Variants in RABGAP1L observed in about 807,000 individuals in gnomAD.
RABGAP1L encodes the protein RAB GTPase activating protein 1 like.
In RABGAP1L, 63 loss-of-function variants were observed where a neutral mutation model predicts 137.7. That is an observed-to-expected ratio of 0.46 (90% CI 0.37 to 0.56). The LOEUF (loss-of-function observed/expected upper bound fraction) is 0.56, where lower values mean the gene tolerates loss of function less well. RABGAP1L is among the 20% of genes least tolerant of loss of function. RABGAP1L has a pLI of 0.00. For missense variants in RABGAP1L, 1,095 were observed against 1,244.0 expected, an observed-to-expected ratio of 0.88 and a Z score of 1.80; for synonymous variants, 431 against 433.7, an observed-to-expected ratio of 0.99 and a Z score of 0.08.
intron 19 of RABGAP1L, among the ~76,000 whole-genome samples, chr1:174,932,631 A>C (rs777282650): frequency 1.3e-5 from 2 of 152,190 alleles, no homozygotes; most frequent in Non-Finnish European, 2.9e-5. Context: ...CTGACAAATA[A>C]GAATTTTGTG....
At chr1:174,508,441 T>C (rs1662032413) in intron 13 of RABGAP1L, among the ~76,000 whole-genome samples, 1 of 152,198 alleles carries the variant, frequency 6.6e-6, no homozygotes, top group Non-Finnish European at 1.5e-5. Context: ...TTCTTATTTA[T>C]CAACCCTGTA....
At chr1:174,616,158 T>C (rs1671835347) in intron 13 of RABGAP1L, among the ~76,000 whole-genome samples, 1 of 152,234 alleles carries the variant, frequency 6.6e-6, no homozygotes, top group South Asian at 2.1e-4. Context: ...AGAAATCACC[T>C]GTCTTCTGCG....
intron 19 of RABGAP1L, among the ~76,000 whole-genome samples, chr1:174,912,324 G>T (rs1397036133): frequency 6.6e-6 from 1 of 151,934 alleles, no homozygotes; most frequent in Non-Finnish European, 1.5e-5. Flanking sequence ...TCATTTTTTT[G>T]TAGAAATGGG....
chr1:174,255,370 T>G (rs1673034186), intron 7 of RABGAP1L, among the ~76,000 whole-genome samples: 1 of 152,212 alleles, frequency 6.6e-6, no homozygotes, highest in Non-Finnish European at 1.5e-5. Context: ...AACTTTTTAT[T>G]TGGAAGTAAT....
intron 12 of RABGAP1L, among the ~76,000 whole-genome samples, chr1:174,374,150 A>G (rs1270201828): frequency 6.6e-6 from 1 of 152,210 alleles, no homozygotes; most frequent in Non-Finnish European, 1.5e-5. Context: ...GTATGCATTG[A>G]TACCACAGCT....
chr1:174,440,315 G>GA lies in RABGAP1L; in HGVS notation c.1710+46177dup, dbSNP rs1354944720. On this transcript the variant is annotated intron_variant, in intron 13 of 25. Transcript: ENST00000681986. ...GCAACGCGATCTGGTTTGCATTGTG[G>GA]AAAAAAATATTTTGTCTCTTTTGTG... Among the ~76,000 whole-genome samples the GA allele has an allele frequency of 4.6e-5, 7 of 152,204 alleles. No individual in the cohort carries two copies. The East Asian group carries it at 5.8e-4, about 13-fold the overall frequency.
intron 13 of RABGAP1L, among the ~76,000 whole-genome samples, chr1:174,518,155 G>C (rs1572140783): frequency 1.3e-5 from 2 of 152,192 alleles, no homozygotes; most frequent in African/African-American, 4.8e-5. Flanking sequence ...CTGGTCATCT[G>C]AGATTCTGAT....
At chr1:174,940,106 C>T (rs1362994097) in intron 19 of RABGAP1L, among the ~76,000 whole-genome samples, 1 of 152,170 alleles carries the variant, frequency 6.6e-6, no homozygotes, top group South Asian at 2.1e-4. Context: ...GTGATTATTA[C>T]ATGAGTGACA....
At chr1:174,183,338 T>C (rs6658543) in intron 1 of RABGAP1L, among the ~76,000 whole-genome samples, 87,174 of 152,086 alleles carry the variant, frequency 0.57, 27,397 homozygotes, top group African/African-American at 0.85. Context: ...GTTGCCTAGG[T>C]TGGTCTCGAA....
At chr1:174,665,892 TGTTA>T (rs1676755175) in intron 14 of RABGAP1L, among the ~76,000 whole-genome samples, 1 of 152,250 alleles carries the variant, frequency 6.6e-6, no homozygotes, top group Admixed American at 6.5e-5. Flanking sequence ...AATAAATAAA[TGTTA>T]GTTATTTAAC....
intron 13 of RABGAP1L, among the ~76,000 whole-genome samples, chr1:174,451,401 C>T (rs1044612029): frequency 1.1e-4 from 17 of 152,204 alleles, no homozygotes; most frequent in Admixed American, 1.0e-3. Context: ...GGCTTTTCCC[C>T]ATAGTAATTA....
At chr1:174,856,783 C>G (rs144399700) in intron 19 of RABGAP1L, among the ~76,000 whole-genome samples, 1 of 151,864 alleles carries the variant, frequency 6.6e-6, no homozygotes, top group East Asian at 1.9e-4. Context: ...TAAAATTAGC[C>G]GGGCGTGCTG....
chr1:174,866,113 G>GAGAGAGAC lies in RABGAP1L; in HGVS notation c.2340+54160_2340+54161insCAGAGAGA, dbSNP rs1651176040. On this transcript the variant is annotated intron_variant, in intron 19 of 25. Transcript: ENST00000681986. ...AGGAGGGGAGAGGGAGGGAGGGGGAGAGAGAGAGAGAGAGAGAGAGAGAGA... is the reference window on the plus strand; with the variant it reads ...AGGAGGGGAGAGGGAGGGAGGGGGAGAGAGAGACAGAGAGAGAGAGAGAGAGAGAGAGA... 6.3e-4 allele frequency among the ~76,000 whole-genome samples: 4 copies of GAGAGAGAC among 6,346 alleles called. No individual in the cohort carries two copies. The South Asian group carries it at 0.016, about 26-fold the overall frequency. The allele number at this position is 6,346 out of a possible 152,430, so 4.2% of individuals were successfully genotyped here.
chr1:174,530,470 C>T (rs1664292810), intron 13 of RABGAP1L, among the ~76,000 whole-genome samples: 1 of 152,142 alleles, frequency 6.6e-6, no homozygotes, highest in Admixed American at 6.5e-5. Flanking sequence ...CATGGTGTTA[C>T]CCTCTGTTAG....
chr1:174,613,805 T>C (rs1671509105), intron 13 of RABGAP1L, among the ~76,000 whole-genome samples: 1 of 152,222 alleles, frequency 6.6e-6, no homozygotes, highest in Non-Finnish European at 1.5e-5. Flanking sequence ...CCTTTACCAT[T>C]ATGTAATGGC....
Position 174,946,900 on chromosome 1 carries a change from CAAAA to C in RABGAP1L, c.2341-10542_2341-10539del, listed in dbSNP as rs1177949233. Among the ~76,000 whole-genome samples, 210 of 21,380 alleles carry C rather than the reference CAAAA, an allele frequency of 9.8e-3. 6 individuals are homozygous for C. Among genetic ancestry groups the C allele is most frequent in the Non-Finnish European group, 0.012 (172 of 13,934 alleles). The allele number at this position is 21,380 out of a possible 152,430, so 14.0% of individuals were successfully genotyped here. A position where few individuals can be genotyped will look rare whatever the true frequency, so the allele number is the denominator to read the frequency against. On this transcript the variant is annotated intron_variant, in intron 19 of 25. Coordinates refer to ENST00000681986, the MANE Select transcript of RABGAP1L (RefSeq NM_001366446.1). ...TGGGCAAAAGAGCGAGACTCCATCTCAAAAAAAAAAAAAAAAAATATATATATAT... is the reference window on the plus strand; with the variant it reads ...TGGGCAAAAGAGCGAGACTCCATCTCAAAAAAAAAAAAAATATATATATAT...
At chr1:174,404,197 C>T (rs1648988476) in intron 13 of RABGAP1L, among the ~76,000 whole-genome samples, 1 of 152,106 alleles carries the variant, frequency 6.6e-6, no homozygotes, top group African/African-American at 2.4e-5. Flanking sequence ...GTGTAGAATA[C>T]AGAAGAGATC....
intron 19 of RABGAP1L, among the ~76,000 whole-genome samples, chr1:174,930,119 G>A (rs1011391711): frequency 2.6e-5 from 4 of 151,800 alleles, no homozygotes; most frequent in African/African-American, 4.8e-5. Flanking sequence ...AAAGTGTTGG[G>A]ATTACAGGTG....
chr1:174,404,201 A>G (rs1648989786), intron 13 of RABGAP1L, among the ~76,000 whole-genome samples: 1 of 152,214 alleles, frequency 6.6e-6, no homozygotes, highest in African/African-American at 2.4e-5. Flanking sequence ...AGAATACAGA[A>G]GAGATCGTGA....
Sources: allele counts gnomAD v4.1 joint callset (sites outside exome capture counted in the v4.1 genomes callset), GRCh38; gene constraint gnomAD v4.1.1; transcripts MANE v1.5; gene names NCBI Gene and HGNC (gene_info 2026-07-23, HGNC 2026-07-21).